The following SNTA1 variants were observed in gnomAD, a reference collection of about 807,000 sequenced individuals.
SNTA1 encodes alpha-1-syntrophin.
SNTA1 carries 31 observed loss-of-function variants against 47.1 expected under a neutral mutation model. The observed-to-expected ratio is 0.66, with a 90% confidence interval of 0.49 to 0.89. SNTA1 has a LOEUF of 0.89. Among genes scored for constraint, SNTA1 ranks in the 40% least tolerant of loss-of-function variants. The pLI, the probability that SNTA1 is intolerant of heterozygous loss-of-function variation, is 0.00. For synonymous variants in SNTA1, 300 were observed against 313.6 expected, an observed-to-expected ratio of 0.96 and a Z score of 0.46; for missense variants, 575 against 693.0, an observed-to-expected ratio of 0.83 and a Z score of 1.91.
chr20:33,424,639 G>A (rs976953145), intron 2 of SNTA1, among the ~76,000 whole-genome samples: 1 of 151,868 alleles, frequency 6.6e-6, no homozygotes, highest in Non-Finnish European at 1.5e-5. Flanking sequence ...TCAGCCTTCC[G>A]AGTAGCTGGG....
chr20:33,420,876 T>C (rs1483972370), intron 2 of SNTA1, among the ~76,000 whole-genome samples: 2 of 150,842 alleles, frequency 1.3e-5, no homozygotes, highest in Non-Finnish European at 3.0e-5. Context: ...CCCAGCTACT[T>C]GGGAGGCTGA....
intron 2 of SNTA1, among the ~76,000 whole-genome samples, chr20:33,433,263 C>CT (rs1227520975): frequency 0.021 from 2,948 of 138,732 alleles, 100 homozygotes; most frequent in African/African-American, 0.052. Context: ...TCGGGTTTTT[C>CT]TTTTTTCTTT....
chr20:33,424,568 C>T (rs1032085778), intron 2 of SNTA1, among the ~76,000 whole-genome samples: 2 of 151,746 alleles, frequency 1.3e-5, no homozygotes, highest in Non-Finnish European at 2.9e-5. Context: ...GGCTGGAGTG[C>T]GGTGGTATGA....
At chr20:33,420,166 C>T (rs1001254207) in intron 2 of SNTA1, among the ~76,000 whole-genome samples, 80 of 152,064 alleles carry the variant, frequency 5.3e-4, no homozygotes, top group African/African-American at 1.8e-3. Context: ...TCAGGTGCTC[C>T]GCCGGCCTCA....
intron 3 of SNTA1, among the ~76,000 whole-genome samples, chr20:33,413,626 G>GAAA (rs1331758278): frequency 1.6e-5 from 2 of 122,292 alleles, no homozygotes; most frequent in Non-Finnish European, 3.4e-5. Context: ...AAGAGCAGGG[G>GAAA]AAAAAAAAAA....
intron 1 of SNTA1, among the ~76,000 whole-genome samples, chr20:33,441,607 A>T (rs919261826): frequency 6.6e-6 from 1 of 152,100 alleles, no homozygotes; most frequent in Admixed American, 6.6e-5. Context: ...ATGATCACTC[A>T]TGGCTGCCTC....
At chr20:33,440,458 A>T (rs1990551611) in intron 1 of SNTA1, among the ~76,000 whole-genome samples, 2 of 151,866 alleles carry the variant, frequency 1.3e-5, no homozygotes, top group African/African-American at 2.4e-5. Flanking sequence ...TCCATCTCAA[A>T]AAATAAATAA....
In SNTA1 at chr20:33,443,393, C is replaced by A; in HGVS notation, c.228G>T (p.Gln76His). The change falls in exon 1 of 8, where the codon CAG becomes CAT. Residue 76 changes from glutamine (Q) to histidine (H), a missense_variant. Physicochemically the swap from Gln to His is conservative, Grantham distance 24. Coordinates refer to ENST00000217381, the MANE Select transcript of SNTA1 (RefSeq NM_003098.3). ...GCTGGAGCAGTAGCGCCTCTGGCAG[C>A]TGCGGGGGCCCGGCGCCCGGCTCCG... ...GAAEPGAGPP[Q>H]LPEALLLQRR... The A allele has an allele frequency of 7.3e-7, 1 of 1,370,134 alleles. No individual in the cohort carries two copies. Among genetic ancestry groups the A allele is most frequent in the Middle Eastern group, 2.7e-4 (1 of 3,672 alleles). The allele number at this position is 1,370,134 out of a possible 1,614,324, so 84.9% of individuals were successfully genotyped here. A position where few individuals can be genotyped will look rare whatever the true frequency, so the allele number is the denominator to read the frequency against.
chr20:33,435,336 G>T (rs1042676487), intron 2 of SNTA1, among the ~76,000 whole-genome samples: 1 of 149,974 alleles, frequency 6.7e-6, no homozygotes, highest in Middle Eastern at 3.4e-3. Flanking sequence ...GGTGGCTCAC[G>T]TCTGTAATCC....
intron 2 of SNTA1, among the ~76,000 whole-genome samples, chr20:33,424,007 C>T (rs1309361091): frequency 6.6e-6 from 1 of 151,266 alleles, no homozygotes; most frequent in Non-Finnish European, 1.5e-5. Context: ...ACTAGGGTAT[C>T]CTCACCATCA....
At chr20:33,432,804 G>A (rs537249656) in intron 2 of SNTA1, among the ~76,000 whole-genome samples, 1 of 152,280 alleles carries the variant, frequency 6.6e-6, no homozygotes, top group East Asian at 1.9e-4. Flanking sequence ...AGGCTGCAGT[G>A]AGCTGCAATC....
intron 2 of SNTA1, among the ~76,000 whole-genome samples, chr20:33,421,147 T>G (rs1600847691): frequency 6.7e-6 from 1 of 149,214 alleles, no homozygotes. Context: ...CACTCCAGTC[T>G]GGTAACAGAG....
At chr20:33,425,989 T>C (rs1990160461) in intron 2 of SNTA1, among the ~76,000 whole-genome samples, 1 of 150,834 alleles carries the variant, frequency 6.6e-6, no homozygotes, top group African/African-American at 2.4e-5. Flanking sequence ...GACAGGAGAA[T>C]CGCTTGAATC....
In SNTA1 at chr20:33,427,803, C is replaced by G. The variant is rs573441596; in HGVS notation, c.497-9880G>C. Among the ~76,000 whole-genome samples, 7 of 152,262 alleles carry G rather than the reference C, an allele frequency of 4.6e-5. No individual in the cohort carries two copies. The East Asian group carries it at 1.3e-3, about 29-fold the overall frequency. On this transcript the variant is annotated intron_variant, in intron 2 of 7. Coordinates refer to ENST00000217381, the MANE Select transcript of SNTA1 (RefSeq NM_003098.3). ...AGATGTGAACTCCCTGACTGGCAGACACTCACTACTCAGTCTTGTTCATAG... is the reference window on the plus strand; with the variant it reads ...AGATGTGAACTCCCTGACTGGCAGAGACTCACTACTCAGTCTTGTTCATAG...
intron 5 of SNTA1, among the ~76,000 whole-genome samples, chr20:33,411,081 ACTGCCCCTCTCTGGGGCAGAAAGTT>A (rs891145068): frequency 3.9e-5 from 6 of 152,048 alleles, no homozygotes; most frequent in Admixed American, 1.3e-4. Context: ...TGGTAAGCCA[ACTGCCCCTCTCTGGGGCAGAAAGTT>A]CTGCCCCATA....
intron 2 of SNTA1, among the ~76,000 whole-genome samples, chr20:33,428,283 C>A (rs528571978): frequency 1.5e-4 from 23 of 151,984 alleles, no homozygotes; most frequent in Non-Finnish European, 2.9e-4. Flanking sequence ...GTGGTGTGCA[C>A]CTGTAGTCCC....
chr20:33,417,897 A>G lies in SNTA1; in HGVS notation c.523T>C (p.Tyr175His). 1 of 1,613,832 alleles carries G rather than the reference A, an allele frequency of 6.2e-7. No individual in the cohort carries two copies. Among genetic ancestry groups the G allele is most frequent in the Non-Finnish European group, 8.5e-7 (1 of 1,179,728 alleles). Residue 175 changes from tyrosine (Y) to histidine (H), a missense_variant, in exon 3 of 8, where the codon TAT (tyrosine) becomes CAT (histidine). By Grantham distance (83) the Tyr-to-His change is moderately conservative. Transcript: ENST00000217381. ...EVKYMKDVSP[Y>H]FKNSTGGTSV... ...GTCCCACCAGTAGAGTTCTTGAAAT[A>G]CGGTGAGACGTCCTTCATATACTTG...
intron 1 of SNTA1, among the ~76,000 whole-genome samples, chr20:33,440,273 T>C (rs1315490995): frequency 2.0e-5 from 3 of 151,412 alleles, no homozygotes; most frequent in Non-Finnish European, 4.4e-5. Context: ...CTGGCCAACA[T>C]GGCAAAACCC....
chr20:33,414,956 A>G (rs1989837489), intron 3 of SNTA1, among the ~76,000 whole-genome samples: 1 of 152,130 alleles, frequency 6.6e-6, no homozygotes, highest in Admixed American at 6.6e-5. Flanking sequence ...GCCCAGTGCA[A>G]TCCTAACACT....
Sources: allele counts gnomAD v4.1 joint callset (sites outside exome capture counted in the v4.1 genomes callset), GRCh38; gene constraint gnomAD v4.1.1; transcripts MANE v1.5; gene names NCBI Gene and HGNC (gene_info 2026-07-23, HGNC 2026-07-21).